SPSB1: variants seen among roughly 807,000 people sequenced by gnomAD.
The protein encoded by SPSB1 is splA/ryanodine receptor domain and SOCS box containing 1.
In SPSB1, 8 loss-of-function variants were observed where a neutral mutation model predicts 21.2. The observed-to-expected ratio is 0.38, with a 90% CI of 0.22 to 0.68. The LOEUF is 0.68. SPSB1 is among the 30% of genes least tolerant of loss of function. The pLI is 0.53. For synonymous variants in SPSB1, 169 were observed against 161.7 expected (o/e 1.05, Z -0.34); for missense variants, 242 against 377.8 (o/e 0.64, Z 2.98).
intron 1 of SPSB1, among the ~76,000 whole-genome samples, chr1:9,340,011 T>G (rs1014431096): frequency 2.0e-5 from 3 of 152,040 alleles, no homozygotes; most frequent in Non-Finnish European, 4.4e-5. Flanking sequence ...CTGAACCACC[T>G]GGGCATGCAG....
intron 1 of SPSB1, among the ~76,000 whole-genome samples, chr1:9,347,232 C>T (rs1408358699): frequency 6.6e-6 from 1 of 152,228 alleles, no homozygotes; most frequent in African/African-American, 2.4e-5. Context: ...ATAAAGCATT[C>T]AGGACAATAG....
chr1:9,342,168 C>T (rs1041992285), intron 1 of SPSB1, among the ~76,000 whole-genome samples: 2 of 152,202 alleles, frequency 1.3e-5, no homozygotes, highest in Non-Finnish European at 2.9e-5. Flanking sequence ...GTGGAGTTCT[C>T]GGCCGACTTC....
At chr1:9,360,638 G>A (rs1640456733) in intron 2 of SPSB1, among the ~76,000 whole-genome samples, 1 of 152,202 alleles carries the variant, frequency 6.6e-6, no homozygotes. Context: ...GCCTCCCTGA[G>A]TCCCAGCCTC....
intron 1 of SPSB1, among the ~76,000 whole-genome samples, chr1:9,332,791 C>T (rs1322771669): frequency 1.3e-5 from 2 of 152,112 alleles, no homozygotes; most frequent in African/African-American, 2.4e-5. Flanking sequence ...TTTTTGGGCC[C>T]GTTCAATTTA....
Position 9,321,645 on chromosome 1 carries a change from C to T in SPSB1, c.-150+28574C>T, listed in dbSNP as rs1029342943. Among the ~76,000 whole-genome samples the T allele has an allele frequency of 6.6e-6, 1 of 151,934 alleles. No individual in the cohort carries two copies. Among genetic ancestry groups the T allele is most frequent in the Non-Finnish European group, 1.5e-5 (1 of 68,016 alleles). ...ACATCTGAGACCCGTCGACCGTGAGCTTCACCTTTAAATAAAAAAAAAAAT... is the reference window on the plus strand; with the variant it reads ...ACATCTGAGACCCGTCGACCGTGAGTTTCACCTTTAAATAAAAAAAAAAAT... On this transcript the variant is annotated intron_variant, in intron 1 of 2. Transcript: ENST00000328089. The surrounding 1 kb of genome is among the most constrained non-coding windows in gnomAD (Gnocchi z 4.8).
intron 1 of SPSB1, among the ~76,000 whole-genome samples, chr1:9,309,614 G>A (rs1464051071): frequency 2.0e-5 from 3 of 152,062 alleles, no homozygotes; most frequent in Non-Finnish European, 2.9e-5. Context: ...AGGCCGAGAC[G>A]GGTGGATCAC....
intron 1 of SPSB1, among the ~76,000 whole-genome samples, chr1:9,340,285 G>T (rs148774372): frequency 2.0e-5 from 3 of 152,198 alleles, no homozygotes; most frequent in African/African-American, 4.8e-5. Context: ...AGGGGCCTGG[G>T]GGGGAAGGCA....
At chr1:9,301,601 G>T (rs545067032) in intron 1 of SPSB1, among the ~76,000 whole-genome samples, 2 of 152,328 alleles carry the variant, frequency 1.3e-5, no homozygotes, top group East Asian at 3.9e-4. Context: ...TGAGGTATGT[G>T]GGTAGGATGA....
chr1:9,326,763 G>A (rs533918343), intron 1 of SPSB1, among the ~76,000 whole-genome samples: 9 of 152,318 alleles, frequency 5.9e-5, no homozygotes, highest in South Asian at 2.1e-4. Flanking sequence ...TGGTAAGCCC[G>A]CTGCTTCTGA....
At chr1:9,353,762 GA>G (rs1640314944) in intron 1 of SPSB1, among the ~76,000 whole-genome samples, 1 of 151,934 alleles carries the variant, frequency 6.6e-6, no homozygotes, top group Non-Finnish European at 1.5e-5. Flanking sequence ...CTACTAAATA[GA>G]AAAAATTAGC....
At position 9,345,655 on chromosome 1, in the gene SPSB1, C is replaced by T. The variant is rs969476171; in HGVS notation, c.-149-10088C>T. On this transcript the variant is annotated intron_variant, in intron 1 of 2. Transcript: ENST00000328089. This position sits in a 1 kb window ranked among gnomAD's most constrained non-coding sequence, Gnocchi z 4.8. ...CATGCTGGTTTCCCAGGCCATGGCT[C>T]CACTGATTCGAGCCCTCTGAAAGTG... Among the ~76,000 whole-genome samples, 1 of 152,144 alleles carries T rather than the reference C, an allele frequency of 6.6e-6. No homozygotes were observed. Among genetic ancestry groups the T allele is most frequent in the Non-Finnish European group, 1.5e-5 (1 of 68,030 alleles).
chr1:9,292,987 C>T lies in SPSB1; in HGVS notation c.-234C>T. ...GGCCGGGGCCGCGGGGAGGAGGCGA[C>T]TTCGCTCCCTGCGGCGGGCGCGGCC... On this transcript the variant is annotated 5_prime_UTR_variant, in exon 1 of 3. Coordinates refer to ENST00000328089, the MANE Select transcript of SPSB1 (RefSeq NM_025106.4). 1.0e-6 allele frequency: 1 copy of T among 983,146 alleles called. No homozygotes were observed. Among genetic ancestry groups the T allele is most frequent in the Non-Finnish European group, 1.2e-6 (1 of 828,818 alleles). The allele number at this position is 983,146 out of a possible 1,614,324, so 60.9% of individuals were successfully genotyped here.
chr1:9,351,914 G>T (rs1198687306), intron 1 of SPSB1, among the ~76,000 whole-genome samples: 1 of 152,206 alleles, frequency 6.6e-6, no homozygotes, highest in Non-Finnish European at 1.5e-5. Context: ...GCCCTGGGGT[G>T]CCCTTGTGAA....
chr1:9,334,060 A>C (rs1557456617), intron 1 of SPSB1, among the ~76,000 whole-genome samples: 1 of 152,150 alleles, frequency 6.6e-6, no homozygotes, highest in East Asian at 1.9e-4. Context: ...AATTGTAGCA[A>C]ATACATATAA....
At chr1:9,340,140 G>A (rs745863808) in intron 1 of SPSB1, among the ~76,000 whole-genome samples, 1 of 152,234 alleles carries the variant, frequency 6.6e-6, no homozygotes, top group South Asian at 2.1e-4. Context: ...TGCAGGGCAC[G>A]CAGGGTGACC....
intron 1 of SPSB1, among the ~76,000 whole-genome samples, chr1:9,300,848 C>T (rs1036073508): frequency 1.3e-5 from 2 of 152,234 alleles, no homozygotes; most frequent in Non-Finnish European, 2.9e-5. Context: ...CAGCCTGTAT[C>T]TATGGTCTCC....
At position 9,324,759 on chromosome 1, in the gene SPSB1, A is replaced by G. The variant is rs1639784746; in HGVS notation, c.-149-30984A>G. The stretch of plus-strand genomic sequence containing the variant: ...GAATGAGCACAGCCACCTCCGAGCC[A>G]CAGCTCACTCTGACAAAAACGCTTG... On this transcript the variant is annotated intron_variant, in intron 1 of 2. Coordinates refer to ENST00000328089, the MANE Select transcript of SPSB1 (RefSeq NM_025106.4). The surrounding 1 kb of genome is among the most constrained non-coding windows in gnomAD (Gnocchi z 4.3). Among the ~76,000 whole-genome samples the G allele has an allele frequency of 1.3e-5, 2 of 152,200 alleles. No individual in the cohort carries two copies. Among genetic ancestry groups the G allele is most frequent in the Non-Finnish European group, 2.9e-5 (2 of 68,024 alleles).
intron 1 of SPSB1, among the ~76,000 whole-genome samples, chr1:9,315,866 G>GAAAAC (rs375109143): frequency 9.2e-5 from 14 of 152,206 alleles, no homozygotes; most frequent in Admixed American, 1.3e-4. Flanking sequence ...CATTTAAGGG[G>GAAAAC]AAAACAAAAC....
intron 1 of SPSB1, among the ~76,000 whole-genome samples, chr1:9,302,880 A>T (rs2100462367): frequency 6.6e-6 from 1 of 152,314 alleles, no homozygotes; most frequent in Non-Finnish European, 1.5e-5. Flanking sequence ...GGCACTGCGC[A>T]TCATATCCCC....
Sources: gnomAD v4.1 joint callset for allele counts (sites outside exome capture counted in the v4.1 genomes callset) on GRCh38, gnomAD v4.1.1 for gene constraint, Gnocchi (gnomAD v3.1) non-coding constraint, MANE v1.5 for transcripts, NCBI Gene and HGNC (gene_info 2026-07-23, HGNC 2026-07-21) for gene names.